Variants in PPP1R14D observed in about 807,000 individuals in gnomAD.
The protein encoded by PPP1R14D is protein phosphatase 1 regulatory inhibitor subunit 14D.
In PPP1R14D, 14 loss-of-function variants were observed where a neutral mutation model predicts 17.1. The ratio of observed to expected loss-of-function variants is 0.82; its 90% confidence interval spans 0.54 to 1.28. The LOEUF (loss-of-function observed/expected upper bound fraction) is 1.28. Ranked by LOEUF, PPP1R14D falls within the 50% of genes most tolerant of loss-of-function variation. The pLI is 0.00. For missense variants in PPP1R14D, 173 were observed against 179.2 expected (o/e 0.97, Z 0.20); for synonymous variants, 67 against 66.1 (o/e 1.01, Z -0.06).
chr15:40,817,697 C>G (rs1253551309), intron 1 of PPP1R14D, among the ~76,000 whole-genome samples: 2 of 150,006 alleles, frequency 1.3e-5, no homozygotes, highest in African/African-American at 4.9e-5. Context: ...TCACTGCAGT[C>G]TTGACCTCCC....
chr15:40,816,029 C>T, intron 2 of PPP1R14D, 35 bp from the exon 3 acceptor site: 1 of 1,613,210 alleles, frequency 6.2e-7, no homozygotes, highest in Non-Finnish European at 8.5e-7. Context: ...GGCCCCAAGT[C>T]ACAGCACTTT....
chr15:40,820,627 C>T (rs541826154), intron 1 of PPP1R14D, among the ~76,000 whole-genome samples: 57 of 150,136 alleles, frequency 3.8e-4, no homozygotes, highest in Admixed American at 1.9e-3. Flanking sequence ...CTGAGATGGG[C>T]GGCTCACTTG....
At chr15:40,821,161 C>T (rs1400309775) in intron 1 of PPP1R14D, among the ~76,000 whole-genome samples, 1 of 151,836 alleles carries the variant, frequency 6.6e-6, no homozygotes, top group Non-Finnish European at 1.5e-5. Context: ...ATGGTGAAAC[C>T]CCATCTCTAC....
intron 1 of PPP1R14D, 81 bp from the exon 2 acceptor site, chr15:40,816,334 C>A: frequency 8.8e-7 from 1 of 1,132,870 alleles, no homozygotes; most frequent in Non-Finnish European, 1.3e-6. Flanking sequence ...ACTCAACCCA[C>A]CTCTCTCCAA....
At chr15:40,826,971 T>A (rs1015942461) in intron 1 of PPP1R14D, among the ~76,000 whole-genome samples, 2 of 152,186 alleles carry the variant, frequency 1.3e-5, no homozygotes, top group Non-Finnish European at 2.9e-5. Context: ...TAAAGGTATA[T>A]AAGTAAGAAA....
chr15:40,819,869 T>A (rs968474637), intron 1 of PPP1R14D, among the ~76,000 whole-genome samples: 1 of 52,140 alleles, frequency 1.9e-5, no homozygotes, highest in African/African-American at 1.1e-4. Context: ...ATATTGCTAT[T>A]TTTTTTTTTT....
intron 2 of PPP1R14D, 58 bp from the exon 3 acceptor site, chr15:40,816,052 C>T: frequency 1.2e-6 from 2 of 1,606,458 alleles, no homozygotes; most frequent in African/African-American, 2.7e-5. Context: ...CGCAAGTCCC[C>T]ACCAATCTCC....
intron 1 of PPP1R14D, among the ~76,000 whole-genome samples, chr15:40,817,690 C>G (rs2141985135): frequency 6.6e-6 from 1 of 150,762 alleles, no homozygotes; most frequent in East Asian, 2.0e-4. Flanking sequence ...TCAAGGCTCA[C>G]TGCAGTCTTG....
intron 1 of PPP1R14D, among the ~76,000 whole-genome samples, chr15:40,823,620 A>G (rs945228663): frequency 2.0e-5 from 3 of 152,210 alleles, no homozygotes; most frequent in African/African-American, 7.2e-5. Flanking sequence ...ATAAATACTT[A>G]GCATTACATT....
chr15:40,823,622 C>T (rs769509275), intron 1 of PPP1R14D, among the ~76,000 whole-genome samples: 42 of 152,106 alleles, frequency 2.8e-4, no homozygotes, highest in Non-Finnish European at 4.4e-4. Context: ...AAATACTTAG[C>T]ATTACATTAC....
intron 1 of PPP1R14D, among the ~76,000 whole-genome samples, chr15:40,820,162 A>G (rs12916535): frequency 0.42 from 60,884 of 144,978 alleles, 12,574 homozygotes; most frequent in Middle Eastern, 0.53. Context: ...CACTGTGCCC[A>G]GCCCTTTTTT....
chr15:40,821,901 G>A (rs946653406), intron 1 of PPP1R14D, among the ~76,000 whole-genome samples: 15 of 152,134 alleles, frequency 9.9e-5, no homozygotes, highest in Admixed American at 6.5e-5. Context: ...GTACTCCAGC[G>A]TGGGCGATAA....
intron 1 of PPP1R14D, among the ~76,000 whole-genome samples, chr15:40,822,970 T>TC (rs1206733217): frequency 6.7e-6 from 1 of 148,820 alleles, no homozygotes; most frequent in East Asian, 2.0e-4. Context: ...GGCTAATTTT[T>TC]TTTTTTTTTT....
At chr15:40,822,762 G>C (rs1471876640) in intron 1 of PPP1R14D, among the ~76,000 whole-genome samples, 1 of 151,356 alleles carries the variant, frequency 6.6e-6, no homozygotes, top group Non-Finnish European at 1.5e-5. Context: ...CTCAAGACCA[G>C]TTTTTTAAAA....
intron 1 of PPP1R14D, among the ~76,000 whole-genome samples, chr15:40,822,392 T>G (rs1485891149): frequency 6.6e-6 from 1 of 151,762 alleles, no homozygotes; most frequent in East Asian, 1.9e-4. Flanking sequence ...TTCATGCCTA[T>G]AATCCCAACA....
intron 1 of PPP1R14D, among the ~76,000 whole-genome samples, chr15:40,818,390 G>A (rs1596125094): frequency 6.6e-6 from 1 of 151,408 alleles, no homozygotes; most frequent in East Asian, 1.9e-4. Flanking sequence ...ATAGTCTTCA[G>A]TAGGTGAATG....
chr15:40,828,525 G>A lies in PPP1R14D; in HGVS notation c.117C>T (p.Ser39=), dbSNP rs1331227896. The part of the protein sequence containing the change: ...RRRTSSTDSE[S]KSHPDSSKIP... ...TCTTGGAGGAGTCCGGGTGGGACTT[G>A]GACTCTGAGTCTGTGGATGATGTCC... is the stretch of plus-strand genomic sequence containing the variant. Residue 39 remains serine (S), a synonymous_variant, in exon 1 of 4, where the codon TCC becomes TCT. Coordinates refer to ENST00000299174, the MANE Select transcript of PPP1R14D (RefSeq NM_017726.8). 6.2e-7 allele frequency: 1 copy of A among 1,614,200 alleles called. No individual in the cohort carries two copies. The highest frequency in any genetic ancestry group is 2.2e-5 in the East Asian group (1 of 44,878).
intron 1 of PPP1R14D, 67 bp downstream of exon 1, chr15:40,828,320 G>A: frequency 6.6e-7 from 1 of 1,507,662 alleles, no homozygotes; most frequent in East Asian, 2.3e-5. Flanking sequence ...CAGCTCCTGT[G>A]AAGGTCTCAG....
rs919778671 is a variant in PPP1R14D, at chr15:40,816,163, A to G, written c.339+7T>C. The G allele has an allele frequency of 1.2e-6, 2 of 1,613,688 alleles. No homozygotes were observed. The highest frequency in any genetic ancestry group is 1.7e-5 in the Admixed American group (1 of 59,984). The stretch of plus-strand genomic sequence containing the variant: ...GACCCAAGGCCAGCTTCTAGCCCCC[A>G]TCCTACCTCCAGCTGAGTCTTCTGC... On this transcript the variant is annotated splice_region_variant and intron_variant, in intron 2 of 3. Coordinates refer to ENST00000299174, the MANE Select transcript of PPP1R14D (RefSeq NM_017726.8).
Sources: allele counts gnomAD v4.1 joint callset (sites outside exome capture counted in the v4.1 genomes callset), GRCh38; gene constraint gnomAD v4.1.1; transcripts MANE v1.5; gene names NCBI Gene and HGNC (gene_info 2026-07-23, HGNC 2026-07-21).